CTNNA3: variants seen among roughly 807,000 people sequenced by gnomAD.
CTNNA3 encodes the protein catenin alpha-3.
CTNNA3 carries 76 observed loss-of-function variants against 95.7 expected under a neutral mutation model. That is an observed-to-expected ratio of 0.79 (90% CI 0.66 to 0.96). The LOEUF is 0.96. Ranked by LOEUF, CTNNA3 falls within the 40% of genes least tolerant of loss-of-function variation. CTNNA3 has a pLI of 0.00. For missense variants in CTNNA3, 1,191 were observed against 1,089.8 expected (o/e 1.09, Z -1.31); for synonymous variants, 431 against 374.4 (o/e 1.15, Z -1.74).
chr10:67,530,382 G>A (rs953571351), intron 4 of CTNNA3, among the ~76,000 whole-genome samples: 3 of 152,226 alleles, frequency 2.0e-5, no homozygotes, highest in African/African-American at 7.2e-5. Context: ...CCCAGGCTGA[G>A]GTGGTCTCAG....
intron 5 of CTNNA3, among the ~76,000 whole-genome samples, chr10:67,313,363 C>G (rs375110801): frequency 6.6e-6 from 1 of 151,352 alleles, no homozygotes; most frequent in Middle Eastern, 3.2e-3. Context: ...ACCCGGGAGG[C>G]GGAGTTTGCA....
chr10:67,563,482 A>C (rs2133266407), intron 3 of CTNNA3, among the ~76,000 whole-genome samples: 1 of 152,336 alleles, frequency 6.6e-6, no homozygotes, highest in Non-Finnish European at 1.5e-5. Context: ...ACCTTATACA[A>C]AAATTAATTC....
intron 7 of CTNNA3, among the ~76,000 whole-genome samples, chr10:66,914,483 C>T (rs541948399): frequency 1.3e-4 from 19 of 149,512 alleles, no homozygotes; most frequent in African/African-American, 4.7e-4. Context: ...AATGGGCCAA[C>T]ACGAACTGGC....
intron 7 of CTNNA3, among the ~76,000 whole-genome samples, chr10:66,854,238 T>A (rs1843603885): frequency 6.6e-6 from 1 of 152,084 alleles, no homozygotes; most frequent in Non-Finnish European, 1.5e-5. Context: ...GAAGAATATC[T>A]CACATTACAT....
At chr10:66,768,998 T>A (rs1433090085) in intron 8 of CTNNA3, among the ~76,000 whole-genome samples, 4 of 152,178 alleles carry the variant, frequency 2.6e-5, no homozygotes, top group Non-Finnish European at 5.9e-5. Flanking sequence ...CTGTTTTTAA[T>A]AATTTGATTG....
At chr10:67,715,525 C>T (rs879481150) in intron 1 of CTNNA3, among the ~76,000 whole-genome samples, 11 of 152,094 alleles carry the variant, frequency 7.2e-5, no homozygotes, top group East Asian at 1.9e-4. Context: ...GGAACAGTTA[C>T]AATGTCTGAG....
At chr10:66,485,298 T>C (rs1423107579) in intron 11 of CTNNA3, among the ~76,000 whole-genome samples, 1 of 152,130 alleles carries the variant, frequency 6.6e-6, no homozygotes. Context: ...AGTTAAAATA[T>C]CACTGTTTAT....
At chr10:67,442,163 C>T (rs546997834) in intron 5 of CTNNA3, among the ~76,000 whole-genome samples, 17 of 151,694 alleles carry the variant, frequency 1.1e-4, no homozygotes, top group African/African-American at 3.1e-4. Context: ...TGTAAAATAA[C>T]GGGTTATAAG....
chr10:66,708,309 A>C (rs1197264201), intron 9 of CTNNA3, among the ~76,000 whole-genome samples: 3 of 151,858 alleles, frequency 2.0e-5, no homozygotes, highest in Non-Finnish European at 4.4e-5. Context: ...AAAAGTCCAA[A>C]ATCAAGGTGT....
intron 6 of CTNNA3, among the ~76,000 whole-genome samples, chr10:67,191,328 A>G (rs895164615): frequency 1.3e-5 from 2 of 152,024 alleles, no homozygotes; most frequent in Admixed American, 6.6e-5. Context: ...CTGTTTGCAG[A>G]TTATATAATA....
chr10:66,475,423 T>A (rs1325592273), intron 11 of CTNNA3, among the ~76,000 whole-genome samples: 1 of 152,044 alleles, frequency 6.6e-6, no homozygotes, highest in Admixed American at 6.6e-5. Flanking sequence ...CTTTCTCAGA[T>A]GGATAGGTTG....
chr10:67,198,913 G>T lies in CTNNA3; in HGVS notation c.844-18393C>A, dbSNP rs564326474. Reference sequence around the variant, plus strand: ...CCAAAGAGCCTTATTTTTTCCCTTGGTGCTTTATCAATATGATTTACATTT... The same window carrying T: ...CCAAAGAGCCTTATTTTTTCCCTTGTTGCTTTATCAATATGATTTACATTT... On this transcript the variant is annotated intron_variant, in intron 6 of 17. Coordinates refer to ENST00000433211, the MANE Select transcript of CTNNA3 (RefSeq NM_013266.4). 2.0e-5 allele frequency among the ~76,000 whole-genome samples: 3 copies of T among 152,000 alleles called. No homozygotes were observed. The South Asian group carries it at 6.2e-4, about 32-fold the overall frequency.
At chr10:66,320,079 C>A (rs10762056) in intron 12 of CTNNA3, among the ~76,000 whole-genome samples, 1 of 151,916 alleles carries the variant, frequency 6.6e-6, no homozygotes, top group Non-Finnish European at 1.5e-5. Context: ...CTGTTGTGAG[C>A]TTTTACGCAG....
At chr10:66,846,864 G>C (rs914870470) in intron 7 of CTNNA3, among the ~76,000 whole-genome samples, 1 of 152,040 alleles carries the variant, frequency 6.6e-6, no homozygotes, top group South Asian at 2.1e-4. Flanking sequence ...TTGTAGTCCT[G>C]GTCTGAAATC....
intron 12 of CTNNA3, among the ~76,000 whole-genome samples, chr10:66,365,673 G>A (rs963073399): frequency 3.3e-5 from 5 of 151,884 alleles, no homozygotes; most frequent in Non-Finnish European, 7.4e-5. Flanking sequence ...TGCCCTATTC[G>A]CTTCTAACAA....
rs1195577799 is a variant in CTNNA3 at position 66,167,127 on chromosome 10, A to G, written c.1885-63878T>C. On this transcript the variant is annotated intron_variant, in intron 13 of 17. Coordinates refer to ENST00000433211, the MANE Select transcript of CTNNA3 (RefSeq NM_013266.4). The stretch of plus-strand genomic sequence containing the variant: ...ATAGTCACATATGCCTCTCAGAAAG[A>G]AAAGGTACCATGAAATAAGAGAAAG... Among the ~76,000 whole-genome samples, 4 of 152,166 alleles carry G rather than the reference A, an allele frequency of 2.6e-5. No individual in the cohort carries two copies. In the East Asian group the frequency reaches 5.8e-4, roughly 22 times the overall value.
At chr10:66,279,822 A>AT (rs937999458) in intron 13 of CTNNA3, among the ~76,000 whole-genome samples, 12 of 152,102 alleles carry the variant, frequency 7.9e-5, no homozygotes, top group Non-Finnish European at 1.2e-4. Flanking sequence ...AAGAATGTGC[A>AT]TTTTTTGGTA....
chr10:65,916,868 C>T lies in CTNNA3; in HGVS notation c.*3462G>A, dbSNP rs1171320513. 1.3e-5 allele frequency: 2 copies of T among 152,096 alleles called. No individual in the cohort carries two copies. Among genetic ancestry groups the T allele is most frequent in the South Asian group, 2.1e-4 (1 of 4,832 alleles). 9.4% of individuals were successfully genotyped at this position (152,096 alleles called of 1,614,324 possible). ...CCCTCAAAATGAAGGTTCAGGAAGC[C>T]GTTGAAGTCACTTACTCTGTTGTTA... is the stretch of plus-strand genomic sequence containing the variant. On this transcript the variant is annotated 3_prime_UTR_variant, in exon 18 of 18. Transcript: ENST00000433211.
intron 7 of CTNNA3, among the ~76,000 whole-genome samples, chr10:66,882,275 G>A (rs138482591): frequency 7.4e-4 from 113 of 152,182 alleles, no homozygotes; most frequent in African/African-American, 2.6e-3. Context: ...GAAACTATTT[G>A]TTTTAATTCA....
Sources: allele counts gnomAD v4.1 joint callset (sites outside exome capture counted in the v4.1 genomes callset), GRCh38; gene constraint gnomAD v4.1.1; transcripts MANE v1.5; gene names NCBI Gene and HGNC (gene_info 2026-07-23, HGNC 2026-07-21).